ANO8: variants seen among roughly 807,000 people sequenced by gnomAD.
The protein encoded by ANO8 is anoctamin 8, also known as anoctamin-8.
ANO8 carries 67 observed loss-of-function variants against 120.4 expected under a neutral mutation model. That is an observed-to-expected ratio of 0.56 (90% CI 0.46 to 0.68). The LOEUF is 0.68. Among genes scored for constraint, ANO8 ranks in the 30% least tolerant of loss-of-function variants. The probability of loss-of-function intolerance (pLI) is 0.00; values close to 1 mark genes in which losing one functional copy is unlikely to be tolerated. For synonymous variants in ANO8, 727 were observed against 759.2 expected (o/e 0.96, Z 0.70); for missense variants, 1,526 against 1,737.6 (o/e 0.88, Z 2.16).
Position 17,330,266 on chromosome 19 carries a change from G to A in ANO8, c.1147-15C>T. On this transcript the variant is annotated splice_polypyrimidine_tract_variant and intron_variant, in intron 9 of 17. Coordinates refer to ENST00000159087, the MANE Select transcript of ANO8 (RefSeq NM_020959.3). ...AGCACCAGCTCCTGCGGGAGAAGGG[G>A]GTTCAGGGCTCATCCCAGCTGCAGG... 1 of 1,613,916 alleles carries A rather than the reference G, an allele frequency of 6.2e-7. No individual in the cohort carries two copies. Among genetic ancestry groups the A allele is most frequent in the Non-Finnish European group, 8.5e-7 (1 of 1,179,984 alleles).
At chr19:17,327,064 C>T (rs972019213) in intron 16 of ANO8, among the ~76,000 whole-genome samples, 171 bp downstream of exon 16, 1 of 152,186 alleles carries the variant, frequency 6.6e-6, no homozygotes, top group Non-Finnish European at 1.5e-5. Context: ...CCTCCCAAAG[C>T]GCTGGGATCA....
chr19:17,328,111 T>TCCTGTCCCCGGCGAGGC (rs775768790), intron 13 of ANO8, 51 bp downstream of exon 13: 60 of 1,361,804 alleles, frequency 4.4e-5, no homozygotes, highest in Middle Eastern at 3.8e-4. Flanking sequence ...GGACGGTGTG[T>TCCTGTCCCCGGCGAGGC]CCCGTCCCCG....
In ANO8 at chr19:17,323,343, G is replaced by GTGT; in HGVS notation, c.*173_*174insACA. 2.5e-6 allele frequency: 1 copy of GTGT among 394,510 alleles called. No individual in the cohort carries two copies. Among genetic ancestry groups the GTGT allele is most frequent in the Non-Finnish European group, 4.4e-6 (1 of 228,488 alleles). The allele number at this position is 394,510 out of a possible 1,614,324, so 24.4% of individuals were successfully genotyped here. ...TGTGTGTGTGTGTGTGTGTGTGTGT[G>GTGT]TTTTCTGTTGGATTTGTGGGTTTCC... On this transcript the variant is annotated 3_prime_UTR_variant, in exon 18 of 18. Transcript: ENST00000159087.
In ANO8 at chr19:17,327,426, C is replaced by T. The variant is rs1246657843; in HGVS notation, c.2550+12G>A. ...GCCTCCCAGCTGCCCCCGCCCCTGT[C>T]GCCGGCCCCACCTCGAGCACTACCA... On this transcript the variant is annotated intron_variant, in intron 15 of 17. Coordinates refer to ENST00000159087, the MANE Select transcript of ANO8 (RefSeq NM_020959.3). 2 of 1,596,198 alleles carry T rather than the reference C, an allele frequency of 1.3e-6. No homozygotes were observed. Among genetic ancestry groups the T allele is most frequent in the African/African-American group, 1.3e-5 (1 of 74,658 alleles).
rs1332029454 is a variant in ANO8 at position 17,328,712 on chromosome 19, G to GCCTCCT, written c.1670_1675dup (p.Glu557_Glu558dup). 1 of 1,245,856 alleles carries GCCTCCT rather than the reference G, an allele frequency of 8.0e-7. No homozygotes were observed. The highest frequency in any genetic ancestry group is 1.0e-6 in the Non-Finnish European group (1 of 954,916). The allele number at this position is 1,245,856 out of a possible 1,614,324, so 77.2% of individuals were successfully genotyped here. On this transcript the variant is annotated inframe_insertion, in exon 13 of 18. Coordinates refer to ENST00000159087, the MANE Select transcript of ANO8 (RefSeq NM_020959.3). ...CGCCCGCCGCCGCTCCACCAGCGCCGCCTCCTCCTCCTCCTCCGGCGCCCC... is the reference window on the plus strand; with the variant it reads ...CGCCCGCCGCCGCTCCACCAGCGCCGCCTCCTCCTCCTCCTCCTCCTCCGGCGCCCC...
chr19:17,327,944 C>CCCG lies in ANO8; in HGVS notation c.2227-67_2227-65dup, dbSNP rs751520966. 8.9e-4 allele frequency: 1,404 copies of CCCG among 1,569,368 alleles called. 2 individuals carry two copies. Among genetic ancestry groups the CCCG allele is most frequent in the Non-Finnish European group, 1.2e-3 (1,338 of 1,154,454 alleles). ...CTGGGACAATCTTTCTCCCATTGAGCCCGCCTCCCTCAGATTATCCCATGT... is the reference window on the plus strand; with the variant it reads ...CTGGGACAATCTTTCTCCCATTGAGCCCGCCGCCTCCCTCAGATTATCCCATGT... On this transcript the variant is annotated intron_variant, in intron 13 of 17. Coordinates refer to ENST00000159087, the MANE Select transcript of ANO8 (RefSeq NM_020959.3).
chr19:17,328,085 C>A lies in ANO8; in HGVS notation c.2226+77G>T. The A allele has an allele frequency of 2.1e-6, 3 of 1,412,996 alleles. 1 individual carries two copies. The highest frequency in any genetic ancestry group is 2.9e-5 in the South Asian group (2 of 69,404). The allele number at this position is 1,412,996 out of a possible 1,614,324, so 87.5% of individuals were successfully genotyped here. On this transcript the variant is annotated intron_variant, in intron 13 of 17. Transcript: ENST00000159087. ...GCCCTGTTATCACCACTCCCACCCCCACGGCCTTCACCCTCGGACGGTGTG... is the reference window on the plus strand; with the variant it reads ...GCCCTGTTATCACCACTCCCACCCCAACGGCCTTCACCCTCGGACGGTGTG...
In ANO8 at chr19:17,330,014, T is replaced by G; in HGVS notation, c.1274A>C (p.Glu425Ala). 1 of 1,613,540 alleles carries G rather than the reference T, an allele frequency of 6.2e-7. No homozygotes were observed. Among genetic ancestry groups the G allele is most frequent in the Non-Finnish European group, 8.5e-7 (1 of 1,179,848 alleles). ...KKLAIWLNDMENYRLESAYEK... is the reference protein window; with the variant it reads ...KKLAIWLNDMANYRLESAYEK... ...ATAGGCGCTCTCCAGCCGGTAATTT[T>G]CTAGGGGCCAAGGGGGGGAGTGAGG... The change falls in exon 11 of 18, where the codon GAA (glutamate) becomes GCA (alanine). Residue 425 changes from glutamate (E) to alanine (A), a missense_variant and splice_region_variant. This residue lies in a region of ANO8 where 91 missense variants were observed against 85.3 expected (regional missense o/e 1.07). Coordinates refer to ENST00000159087, the MANE Select transcript of ANO8 (RefSeq NM_020959.3).
At position 17,328,409 on chromosome 19, in the gene ANO8, T is replaced by C. The variant is rs868509535; in HGVS notation, c.1979A>G (p.Asp660Gly). Residue 660 changes from aspartate to glycine, a missense_variant, in exon 13 of 18, where the codon GAC (aspartate) becomes GGC (glycine). Asp to Gly is a moderately conservative substitution (Grantham distance 94). Transcript: ENST00000159087. ...GCCGGGAGCCCCCTCCGCCTCGTCG[T>C]CCTCCTCGGCCAGGGTGAACACTCC... ...EPGVFTLAEEDDEAEGAPGSP... is the reference protein window; with the variant it reads ...EPGVFTLAEEGDEAEGAPGSP... 7.7e-7 allele frequency: 1 copy of C among 1,297,880 alleles called. No individual in the cohort carries two copies. 80.4% of individuals were successfully genotyped at this position (1,297,880 alleles called of 1,614,324 possible). A position where few individuals can be genotyped will look rare whatever the true frequency, so the allele number is the denominator to read the frequency against.
chr19:17,329,989 A>G lies in ANO8; in HGVS notation c.1299T>C (p.Tyr433=). 1 of 1,613,958 alleles carries G rather than the reference A, an allele frequency of 6.2e-7. No individual in the cohort carries two copies. Among genetic ancestry groups the G allele is most frequent in the Non-Finnish European group, 8.5e-7 (1 of 1,179,990 alleles). ...CAACTTTGATGATGAGGTGCTTCTCATAGGCGCTCTCCAGCCGGTAATTTT... is the reference window on the plus strand; with the variant it reads ...CAACTTTGATGATGAGGTGCTTCTCGTAGGCGCTCTCCAGCCGGTAATTTT... ...DMENYRLESA[Y]EKHLIIKVVL... is the part of the protein sequence containing the mutation. Residue 433 remains tyrosine (Y), a synonymous_variant, in exon 11 of 18, where the codon TAT becomes TAC. Transcript: ENST00000159087.
chr19:17,329,459 C>T (rs1367935478), intron 12 of ANO8: 4 of 465,266 alleles, frequency 8.6e-6, no homozygotes, highest in Admixed American at 3.9e-5. Context: ...GAGGAGCAGG[C>T]GGAACCGCAG....
rs767013840 is a variant in ANO8 at position 17,328,165 on chromosome 19, G to A, written c.2223C>T (p.Tyr741=). 3.6e-6 allele frequency: 5 copies of A among 1,389,082 alleles called. No homozygotes were observed. Among genetic ancestry groups the A allele is most frequent in the Middle Eastern group, 1.8e-4 (1 of 5,506 alleles). 86.0% of individuals were successfully genotyped at this position (1,389,082 alleles called of 1,614,324 possible). ...CGAGGCCCCGCCCCCTCCTCACCTC[G>A]TACTTCTTCATACAGCTCTCCAGCT... ...QAELESCMKK[Y]EDTFQDYQEM... is the part of the protein sequence containing the mutation. Residue 741 remains tyrosine, a synonymous_variant, in exon 13 of 18, where the codon TAC becomes TAT. Transcript: ENST00000159087.
rs758589134 is a variant in ANO8 at position 17,327,681 on chromosome 19, C to T, written c.2418+8G>A. On this transcript the variant is annotated splice_region_variant and intron_variant, in intron 14 of 17. Coordinates refer to ENST00000159087, the MANE Select transcript of ANO8 (RefSeq NM_020959.3). Reference sequence around the variant, plus strand: ...GGCCTCAGCTCGGATCTCTTGGCTTCCCCCCACCTGCCACTGGCCGATGCT... The same window carrying T: ...GGCCTCAGCTCGGATCTCTTGGCTTTCCCCCACCTGCCACTGGCCGATGCT... 1.2e-6 allele frequency: 2 copies of T among 1,610,996 alleles called. No homozygotes were observed. Among genetic ancestry groups the T allele is most frequent in the South Asian group, 1.1e-5 (1 of 90,784 alleles).
Position 17,328,495 on chromosome 19 carries a change from T to C in ANO8, c.1893A>G (p.Pro631=). 1 of 1,557,994 alleles carries C rather than the reference T, an allele frequency of 6.4e-7. No individual in the cohort carries two copies. Among genetic ancestry groups the C allele is most frequent in the African/African-American group, 1.4e-5 (1 of 73,722 alleles). ...CTTCCTCCAGGAGGGCCTCCGGGCTTGGGCCGGGCCGACGCCGCCCCGCGC... is the reference window on the plus strand; with the variant it reads ...CTTCCTCCAGGAGGGCCTCCGGGCTCGGGCCGGGCCGACGCCGCCCCGCGC... ...ERGAGRRRPG[P]SPEALLEEGS... The change falls in exon 13 of 18, where the codon CCA becomes CCG. Residue 631 remains proline (P), a synonymous_variant. Coordinates refer to ENST00000159087, the MANE Select transcript of ANO8 (RefSeq NM_020959.3).
chr19:17,331,608 A>T (rs2074318640), intron 5 of ANO8, among the ~76,000 whole-genome samples, 197 bp from the exon 6 acceptor site: 1 of 151,656 alleles, frequency 6.6e-6, no homozygotes, highest in African/African-American at 2.4e-5. Flanking sequence ...AGGCGGGGAG[A>T]ATGTAAAGGA....
chr19:17,328,364 G>T lies in ANO8; in HGVS notation c.2024C>A (p.Pro675Gln). The part of the protein sequence containing the change: ...GAPGSPEREP[P>Q]AILFRRAGGE... Reference sequence around the variant, plus strand: ...CCCGGCCCGGCGGAACAAGATGGCCGGGGGCTCCCGTTCAGGGCTGCCGGG... The same window carrying T: ...CCCGGCCCGGCGGAACAAGATGGCCTGGGGCTCCCGTTCAGGGCTGCCGGG... The change falls in exon 13 of 18, where the codon CCG becomes CAG. Residue 675 changes from proline (P) to glutamine (Q), a missense_variant. Pro to Gln is a moderately conservative substitution (Grantham distance 76). Coordinates refer to ENST00000159087, the MANE Select transcript of ANO8 (RefSeq NM_020959.3). The T allele has an allele frequency of 6.4e-7, 1 of 1,574,582 alleles. No individual in the cohort carries two copies. The highest frequency in any genetic ancestry group is 8.6e-7 in the Non-Finnish European group (1 of 1,164,680).
chr19:17,327,691 G>A lies in ANO8; in HGVS notation c.2416C>T (p.Gln806Ter). Residue 806 changes from glutamine (Q) to a stop codon, truncating the protein, a stop_gained and splice_region_variant, in exon 14 of 18, where the codon CAG becomes TAG. Transcript: ENST00000159087. LOFTEE classifies it high-confidence loss of function. ...CGGATCTCTTGGCTTCCCCCCACCT[G>A]CCACTGGCCGATGCTTTCCACGCGC... is the stretch of plus-strand genomic sequence containing the variant. ...GQRVESIGQWQKVMEAMGVLA... is the reference protein window; with the variant it reads ...GQRVESIGQW 2 of 1,612,548 alleles carry A rather than the reference G, an allele frequency of 1.2e-6. No homozygotes were observed. Among genetic ancestry groups the A allele is most frequent in the Non-Finnish European group, 1.7e-6 (2 of 1,179,168 alleles).
chr19:17,327,809 G>C lies in ANO8; in HGVS notation c.2298C>G (p.Pro766=). The stretch of plus-strand genomic sequence containing the variant: ...TGACCAGGGCGCACAGCGCCGCCAG[G>C]GGGAAGGCGGACGAGAAGAGCACAA... ...GYVVLFSSAF[P]LAALCALVNN... is the part of the protein sequence containing the mutation. Residue 766 remains proline, a synonymous_variant, in exon 14 of 18, where the codon CCC becomes CCG. Coordinates refer to ENST00000159087, the MANE Select transcript of ANO8 (RefSeq NM_020959.3). 2 of 1,614,218 alleles carry C rather than the reference G, an allele frequency of 1.2e-6. No individual in the cohort carries two copies. Among genetic ancestry groups the C allele is most frequent in the Non-Finnish European group, 1.7e-6 (2 of 1,180,018 alleles).
chr19:17,329,684 C>T, intron 12 of ANO8, 73 bp downstream of exon 12: 1 of 1,222,844 alleles, frequency 8.2e-7, no homozygotes, highest in Non-Finnish European at 1.2e-6. Context: ...CCCTTGGACC[C>T]CTTGTGCCGG....
Sources: gnomAD v4.1 joint callset for allele counts (sites outside exome capture counted in the v4.1 genomes callset) on GRCh38, gnomAD v4.1.1 for gene constraint, gnomAD v4.1.1 regional missense constraint, MANE v1.5 for transcripts, NCBI Gene and HGNC (gene_info 2026-07-23, HGNC 2026-07-21) for gene names.